The following ST8SIA1 variants were observed in gnomAD, a reference collection of about 807,000 sequenced individuals.
ST8SIA1 encodes ST8 alpha-N-acetyl-neuraminide alpha-2,8-sialyltransferase 1.
Under a neutral mutation model 35.9 loss-of-function variants are expected in ST8SIA1, and 16 were observed. The observed-to-expected ratio is 0.45, with a 90% CI of 0.30 to 0.68. The LOEUF is 0.68. Among genes scored for constraint, ST8SIA1 ranks in the 30% least tolerant of loss-of-function variants. ST8SIA1 has a pLI of 0.09. For missense variants in ST8SIA1, 383 were observed against 453.6 expected, an observed-to-expected ratio of 0.84 and a Z score of 1.41; for synonymous variants, 170 against 169.6, an observed-to-expected ratio of 1.00 and a Z score of -0.02.
At chr12:22,249,368 G>A (rs931671729) in intron 3 of ST8SIA1, among the ~76,000 whole-genome samples, 2 of 151,842 alleles carry the variant, frequency 1.3e-5, no homozygotes, top group Non-Finnish European at 2.9e-5. Context: ...ACAGGCACCT[G>A]CCACCACACC....
rs1424999564 is a variant in ST8SIA1 at position 22,320,999 on chromosome 12, GAAAGAAGAAAGA to G, written c.236+12986_236+12997del. Among the ~76,000 whole-genome samples, 6 of 93,678 alleles carry G rather than the reference GAAAGAAGAAAGA, an allele frequency of 6.4e-5. No homozygotes were observed. The South Asian group carries it at 1.8e-3, about 28-fold the overall frequency. 61.5% of individuals were successfully genotyped at this position (93,678 alleles called of 152,430 possible). On this transcript the variant is annotated intron_variant, in intron 1 of 4. Coordinates refer to ENST00000396037, the MANE Select transcript of ST8SIA1 (RefSeq NM_003034.4). ...AGAAAGAAAGAAAGAAAGAAAGAAAGAAAGAAGAAAGAAAGAAAGAAAGAAAGAAAGAAAGAG... is the reference window on the plus strand; with the variant it reads ...AGAAAGAAAGAAAGAAAGAAAGAAAGAAGAAAGAAAGAAAGAAAGAAAGAG...
At position 22,249,062 on chromosome 12, in the gene ST8SIA1, C is replaced by T. The variant is rs1024228647; in HGVS notation, c.528G>A (p.Lys176=). Residue 176 remains lysine, a synonymous_variant, in exon 4 of 5, where the codon AAG becomes AAA. Transcript: ENST00000396037. ...NLPPLSSEYT[K]DVGSKSQLVT... is the part of the protein sequence containing the mutation. ...CTAACTGACTTTTGGATCCAACATC[C>T]TTAGTGTATTCACTTGACAAAGGAG... 4.3e-6 allele frequency: 7 copies of T among 1,613,750 alleles called. No individual in the cohort carries two copies. In the African/African-American group the frequency reaches 6.7e-5, roughly 15 times the overall value.
At chr12:22,325,635 A>G in intron 1 of ST8SIA1, 1 of 615,588 alleles carries the variant, frequency 1.6e-6, no homozygotes, top group East Asian at 2.8e-5. Context: ...CAAGACCCCC[A>G]GTGGATGTCT....
In ST8SIA1 at chr12:22,202,047, G is replaced by GAAA. The variant is rs554718899; in HGVS notation, c.585-12_585-10dup. On this transcript the variant is annotated splice_polypyrimidine_tract_variant and intron_variant, in intron 4 of 4. Coordinates refer to ENST00000396037, the MANE Select transcript of ST8SIA1 (RefSeq NM_003034.4). ...ACAGAAGGTTCTGAAACCTATTGAA[G>GAAA]AAAAAAAAAACTGTTCAATTAAACC... The GAAA allele has an allele frequency of 7.2e-7, 1 of 1,393,348 alleles. No individual in the cohort carries two copies. Among genetic ancestry groups the GAAA allele is most frequent in the Non-Finnish European group, 9.5e-7 (1 of 1,049,316 alleles). 86.3% of individuals were successfully genotyped at this position (1,393,348 alleles called of 1,614,324 possible). A position where few individuals can be genotyped will look rare whatever the true frequency, so the allele number is the denominator to read the frequency against.
At chr12:22,291,035 C>T (rs749441613) in intron 1 of ST8SIA1, among the ~76,000 whole-genome samples, 15 of 152,206 alleles carry the variant, frequency 9.9e-5, no homozygotes, top group South Asian at 4.1e-4. Context: ...TAGCTAATGA[C>T]GCTATAACCG....
At chr12:22,312,726 A>C (rs768511807) in intron 1 of ST8SIA1, among the ~76,000 whole-genome samples, 22 of 151,826 alleles carry the variant, frequency 1.4e-4, no homozygotes, top group East Asian at 3.9e-4. Context: ...AAAAAAAAAA[A>C]AACAATAAAT....
At chr12:22,296,697 G>C (rs1206007545) in intron 1 of ST8SIA1, among the ~76,000 whole-genome samples, 1 of 152,208 alleles carries the variant, frequency 6.6e-6, no homozygotes, top group East Asian at 1.9e-4. Flanking sequence ...CATCTGGAGA[G>C]TGTGTTTCAG....
At chr12:22,327,650 T>A (rs1866699198) in intron 1 of ST8SIA1, among the ~76,000 whole-genome samples, 1 of 152,136 alleles carries the variant, frequency 6.6e-6, no homozygotes, top group South Asian at 2.1e-4. Flanking sequence ...CATGGACCCC[T>A]CTCACCAGGG....
intron 4 of ST8SIA1, among the ~76,000 whole-genome samples, chr12:22,241,525 A>C (rs1025084770): frequency 6.6e-5 from 10 of 151,278 alleles, no homozygotes; most frequent in African/African-American, 1.2e-4. Flanking sequence ...TGCCAACATC[A>C]TGCTTCCTGT....
At chr12:22,287,119 C>A (rs772597597) in intron 2 of ST8SIA1, 30 bp downstream of exon 2, 2 of 1,571,266 alleles carry the variant, frequency 1.3e-6, no homozygotes, top group South Asian at 1.2e-5. Context: ...TTTAAGAAAC[C>A]ATACTGAAGG....
intron 4 of ST8SIA1, among the ~76,000 whole-genome samples, chr12:22,209,866 C>G (rs1345306311): frequency 6.6e-6 from 1 of 152,082 alleles, no homozygotes; most frequent in African/African-American, 2.4e-5. Context: ...TATTTTATTA[C>G]ATATACATGT....
intron 1 of ST8SIA1, chr12:22,325,301 T>C (rs1239499378): frequency 1.7e-6 from 1 of 595,776 alleles, no homozygotes. Context: ...CCTTTTCTCA[T>C]TGTGGTCACC....
At chr12:22,273,169 T>TTTA (rs1341373136) in intron 2 of ST8SIA1, among the ~76,000 whole-genome samples, 4 of 152,062 alleles carry the variant, frequency 2.6e-5, no homozygotes, top group Non-Finnish European at 4.4e-5. Context: ...TTGCAGACAG[T>TTTA]TTAAAGCCTG....
chr12:22,244,353 C>G (rs1438472920), intron 4 of ST8SIA1, among the ~76,000 whole-genome samples: 1 of 152,126 alleles, frequency 6.6e-6, no homozygotes, highest in East Asian at 1.9e-4. Context: ...TTATTCCACA[C>G]CTGAACCAAT....
Position 22,201,480 on chromosome 12 carries a change from C to A in ST8SIA1, c.*72G>T, listed in dbSNP as rs958606816. 2 of 1,509,872 alleles carry A rather than the reference C, an allele frequency of 1.3e-6. No homozygotes were observed. Among genetic ancestry groups the A allele is most frequent in the African/African-American group, 2.8e-5 (2 of 71,506 alleles). 93.5% of individuals were successfully genotyped at this position (1,509,872 alleles called of 1,614,324 possible). On this transcript the variant is annotated 3_prime_UTR_variant, in exon 5 of 5. Coordinates refer to ENST00000396037, the MANE Select transcript of ST8SIA1 (RefSeq NM_003034.4). ...ATGCAAACTCATGAAACAACTTGAC[C>A]ATTCCCTCTTGGAGTCACATAGAAA...
chr12:22,300,999 C>T (rs535597005), intron 1 of ST8SIA1, among the ~76,000 whole-genome samples: 11 of 152,146 alleles, frequency 7.2e-5, no homozygotes, highest in Non-Finnish European at 1.2e-4. Flanking sequence ...TTATGAGACA[C>T]TCCTATCATT....
chr12:22,276,047 G>A (rs1030442377), intron 2 of ST8SIA1, among the ~76,000 whole-genome samples: 4 of 152,168 alleles, frequency 2.6e-5, no homozygotes, highest in South Asian at 2.1e-4. Context: ...AGGATCTAGC[G>A]CAGCAGCCTC....
At chr12:22,279,414 C>T (rs1433111606) in intron 2 of ST8SIA1, among the ~76,000 whole-genome samples, 1 of 152,110 alleles carries the variant, frequency 6.6e-6, no homozygotes, top group South Asian at 2.1e-4. Flanking sequence ...TAATTTTGGC[C>T]CCAGTGCTAG....
chr12:22,261,392 G>C (rs1865790146), intron 2 of ST8SIA1, among the ~76,000 whole-genome samples: 1 of 152,118 alleles, frequency 6.6e-6, no homozygotes, highest in African/African-American at 2.4e-5. Context: ...GCCTCCCAAA[G>C]TGCTGGGATT....
Sources: gnomAD v4.1 joint callset for allele counts (sites outside exome capture counted in the v4.1 genomes callset) on GRCh38, gnomAD v4.1.1 for gene constraint, MANE v1.5 for transcripts, NCBI Gene and HGNC (gene_info 2026-07-23, HGNC 2026-07-21) for gene names.